Variants in HMCN1 observed in about 807,000 individuals in gnomAD.
HMCN1 encodes hemicentin-1.
A neutral mutation model predicts 625.9 loss-of-function variants in HMCN1; 321 were observed. The ratio of observed to expected loss-of-function variants is 0.51; its 90% CI spans 0.47 to 0.56. The LOEUF is 0.56. Ranked by LOEUF, HMCN1 falls within the 20% of genes least tolerant of loss-of-function variation. The probability of loss-of-function intolerance (pLI) is 0.00; values close to 1 mark genes in which losing one functional copy is unlikely to be tolerated. For missense variants in HMCN1, 6,588 were observed against 6,887.3 expected, an observed-to-expected ratio of 0.96 and a Z score of 1.54; for synonymous variants, 2,425 against 2,417.6, an observed-to-expected ratio of 1.00 and a Z score of -0.09.
chr1:185,756,384 C>A (rs941560383), intron 1 of HMCN1, among the ~76,000 whole-genome samples: 5 of 151,474 alleles, frequency 3.3e-5, no homozygotes, highest in African/African-American at 1.2e-4. Context: ...AGGGTACATG[C>A]CTTGAGTTAG....
chr1:186,171,563 CA>C (rs1188890635), intron 101 of HMCN1, 113 bp downstream of exon 101: 4 of 847,688 alleles, frequency 4.7e-6, no homozygotes, highest in Non-Finnish European at 8.0e-6. Flanking sequence ...GGACATCAAG[CA>C]TGCAGCATGT....
At chr1:186,133,812 G>GA (rs61373042) in intron 86 of HMCN1, among the ~76,000 whole-genome samples, 60,090 of 151,804 alleles carry the variant, frequency 0.4, 13,765 homozygotes, top group East Asian at 0.6. Context: ...ACAAACCTGA[G>GA]AAAAAATGAA....
At chr1:186,113,101 T>C in intron 72 of HMCN1, 148 bp downstream of exon 72, 3 of 827,896 alleles carry the variant, frequency 3.6e-6, no homozygotes, top group Non-Finnish European at 5.7e-6. Context: ...ATTTGTATTA[T>C]ATCTATACTG....
At chr1:185,767,229 A>G (rs577413909) in intron 1 of HMCN1, among the ~76,000 whole-genome samples, 9 of 152,304 alleles carry the variant, frequency 5.9e-5, no homozygotes, top group Non-Finnish European at 7.4e-5. Context: ...GTAAACTTAC[A>G]TTAAGTTTAT....
Position 186,151,508 on chromosome 1 carries a change from CATT to C in HMCN1, c.14759-94_14759-92del, listed in dbSNP as rs1422716615. 6 of 1,364,556 alleles carry C rather than the reference CATT, an allele frequency of 4.4e-6. No individual in the cohort carries two copies. The African/African-American group carries it at 7.3e-5, about 16-fold the overall frequency. The allele number at this position is 1,364,556 out of a possible 1,614,324, so 84.5% of individuals were successfully genotyped here. ...ACTGGTATTTGTTTCTGGTATTCAA[CATT>C]ATTTAGAATTCATCCTTGTGAATAA... On this transcript the variant is annotated intron_variant, in intron 94 of 106. Transcript: ENST00000271588.
chr1:186,110,895 G>C (rs1473258974), intron 71 of HMCN1, among the ~76,000 whole-genome samples: 1 of 151,062 alleles, frequency 6.6e-6, no homozygotes, highest in East Asian at 2.0e-4. Context: ...GAGATTATCA[G>C]CTAAGAATGA....
At chr1:185,788,678 C>T (rs1571353139) in intron 1 of HMCN1, among the ~76,000 whole-genome samples, 1 of 152,258 alleles carries the variant, frequency 6.6e-6, no homozygotes, top group South Asian at 2.1e-4. Flanking sequence ...TTCCTGAGCT[C>T]GCTTGAGCTG....
chr1:186,150,476 A>G (rs1184714556), intron 93 of HMCN1, among the ~76,000 whole-genome samples: 1 of 152,204 alleles, frequency 6.6e-6, no homozygotes, highest in East Asian at 1.9e-4. Context: ...TATGAATTTT[A>G]TAGCACTGGC....
intron 4 of HMCN1, among the ~76,000 whole-genome samples, chr1:185,902,124 A>T (rs1322357): frequency 0.041 from 6,291 of 151,774 alleles, 452 homozygotes; most frequent in African/African-American, 0.14. Context: ...TAACTATAAA[A>T]ACACTTGGAA....
intron 36 of HMCN1, among the ~76,000 whole-genome samples, chr1:186,030,337 G>T (rs1655339272): frequency 6.6e-6 from 1 of 151,986 alleles, no homozygotes; most frequent in Non-Finnish European, 1.5e-5. Context: ...CTTTGAGTTT[G>T]TCAATTTTTG....
At chr1:186,136,296 TGTTCAAAAGTTGTAGTC>T (rs1649600839) in intron 86 of HMCN1, among the ~76,000 whole-genome samples, 1 of 152,182 alleles carries the variant, frequency 6.6e-6, no homozygotes, top group African/African-American at 2.4e-5. Context: ...GTGCTTACCT[TGTTCAAAAGTTGTAGTC>T]ACATCCTCTT....
intron 80 of HMCN1, among the ~76,000 whole-genome samples, chr1:186,121,968 AGT>A: frequency 6.6e-6 from 1 of 152,212 alleles, no homozygotes; most frequent in Non-Finnish European, 1.5e-5. Flanking sequence ...AATGCAGTTG[AGT>A]CAAGTAGGAT....
At position 186,153,995 on chromosome 1, in the gene HMCN1, G is replaced by T; in HGVS notation, c.15256+8G>T. 6.2e-7 allele frequency: 1 copy of T among 1,603,956 alleles called. No individual in the cohort carries two copies. Among genetic ancestry groups the T allele is most frequent in the South Asian group, 1.1e-5 (1 of 90,726 alleles). ...ATGCTTCAATATCCAAAGGTAATTT[G>T]ATAAAAGAAAATCCATATCTTTATG... On this transcript the variant is annotated splice_region_variant and intron_variant, in intron 97 of 106. Transcript: ENST00000271588.
intron 15 of HMCN1, among the ~76,000 whole-genome samples, chr1:185,971,407 A>G (rs1209097670): frequency 6.6e-6 from 1 of 152,202 alleles, no homozygotes. Context: ...TGTCTACCTC[A>G]TGTCTCTTCA....
rs745417285 is a variant in HMCN1, at chr1:185,925,184, T to C, written c.1423T>C (p.Tyr475His). ...TGGAGTTACACTTGGAGTAGACCAG[T>C]ATTTGAAGTAGGTACATGTTTCTGT... Reference protein sequence around the residue: ...RNGVTLGVDQYLKESASVNLD... With the variant: ...RNGVTLGVDQHLKESASVNLD... The change falls in exon 9 of 107, where the codon TAT becomes CAT. Residue 475 changes from tyrosine (Y) to histidine (H), a missense_variant. By Grantham distance (83) the Tyr-to-His change is moderately conservative. Coordinates refer to ENST00000271588, the MANE Select transcript of HMCN1 (RefSeq NM_031935.3). The C allele has an allele frequency of 1.2e-6, 2 of 1,613,134 alleles. No individual in the cohort carries two copies. The highest frequency in any genetic ancestry group is 3.3e-5 in the Admixed American group (2 of 60,006).
intron 81 of HMCN1, 67 bp downstream of exon 81, chr1:186,123,287 G>T: frequency 6.4e-7 from 1 of 1,551,526 alleles, no homozygotes; most frequent in Non-Finnish European, 8.7e-7. Flanking sequence ...AGGCTACCAA[G>T]AGCAAATCTG....
intron 1 of HMCN1, among the ~76,000 whole-genome samples, chr1:185,755,019 A>G (rs560052343): frequency 1.4e-4 from 22 of 152,278 alleles, no homozygotes; most frequent in African/African-American, 5.3e-4. Flanking sequence ...GTACCTTCTC[A>G]TAGAGTTGTT....
At chr1:186,051,550 T>A (rs1190803547) in intron 42 of HMCN1, among the ~76,000 whole-genome samples, 1 of 151,958 alleles carries the variant, frequency 6.6e-6, no homozygotes, top group Non-Finnish European at 1.5e-5. Flanking sequence ...AGGGTAGAGT[T>A]TAGAATGGAG....
chr1:186,133,112 C>A (rs543783085), intron 86 of HMCN1, among the ~76,000 whole-genome samples: 5 of 152,182 alleles, frequency 3.3e-5, no homozygotes, highest in Middle Eastern at 3.4e-3. Context: ...TGTGGTGACT[C>A]CTGGGGATCT....
Sources: allele counts gnomAD v4.1 joint callset (sites outside exome capture counted in the v4.1 genomes callset), GRCh38; gene constraint gnomAD v4.1.1; transcripts MANE v1.5; gene names NCBI Gene and HGNC (gene_info 2026-07-23, HGNC 2026-07-21).